The following AGBL4 variants were observed in gnomAD, a reference collection of about 807,000 sequenced individuals.
The protein encoded by AGBL4 is cytosolic carboxypeptidase 6.
In AGBL4, 58 loss-of-function variants were observed where a neutral mutation model predicts 66.4. That is an observed-to-expected ratio of 0.87 (90% CI 0.71 to 1.09). The LOEUF (loss-of-function observed/expected upper bound fraction) is 1.09. AGBL4 is among the 50% of genes least tolerant of loss of function. The probability of loss-of-function intolerance (pLI) is 0.00; values close to 1 mark genes in which losing one functional copy is unlikely to be tolerated. For missense variants in AGBL4, 579 were observed against 631.0 expected (o/e 0.92, Z 0.88); for synonymous variants, 234 against 222.9 (o/e 1.05, Z -0.44).
chr1:49,651,703 A>G (rs2124449566), intron 3 of AGBL4, among the ~76,000 whole-genome samples: 1 of 152,174 alleles, frequency 6.6e-6, no homozygotes, highest in East Asian at 1.9e-4. Context: ...TACAAATTAA[A>G]AAAAAAGAAA....
intron 1 of AGBL4, among the ~76,000 whole-genome samples, chr1:49,999,906 T>C (rs2148417262): frequency 6.6e-6 from 1 of 152,288 alleles, no homozygotes; most frequent in South Asian, 2.1e-4. Context: ...TCTCTCACCC[T>C]ATACAAAAAC....
chr1:49,550,836 G>C (rs1259406576), intron 3 of AGBL4, among the ~76,000 whole-genome samples: 1 of 152,046 alleles, frequency 6.6e-6, no homozygotes, highest in Non-Finnish European at 1.5e-5. Context: ...TCTTGTATTT[G>C]GATGTCTAGG....
At chr1:49,533,362 G>A (rs1651296007) in intron 3 of AGBL4, among the ~76,000 whole-genome samples, 1 of 152,124 alleles carries the variant, frequency 6.6e-6, no homozygotes, top group African/African-American at 2.4e-5. Context: ...AAATATGAAT[G>A]CTTAATCCTG....
intron 3 of AGBL4, among the ~76,000 whole-genome samples, chr1:49,250,618 A>G (rs1167420042): frequency 6.6e-6 from 1 of 151,660 alleles, no homozygotes; most frequent in African/African-American, 2.4e-5. Flanking sequence ...TAATTTTTGT[A>G]CTTTTAGTAG....
chr1:48,801,099 G>A lies in AGBL4; in HGVS notation c.634+66092C>T, dbSNP rs551419643. 3.9e-5 allele frequency among the ~76,000 whole-genome samples: 6 copies of A among 152,226 alleles called. No individual in the cohort carries two copies. The East Asian group carries it at 1.2e-3, about 30-fold the overall frequency. Reference sequence around the variant, plus strand: ...ATACAGGTTTCCAGGGAAGTAGGGGGAAAGCTGGCAGTGACAGGCTTCACC... The same window carrying A: ...ATACAGGTTTCCAGGGAAGTAGGGGAAAAGCTGGCAGTGACAGGCTTCACC... On this transcript the variant is annotated intron_variant, in intron 6 of 13. Transcript: ENST00000371839.
chr1:49,701,296 A>G (rs1435331549), intron 2 of AGBL4, among the ~76,000 whole-genome samples: 3 of 152,112 alleles, frequency 2.0e-5, no homozygotes, highest in Non-Finnish European at 4.4e-5. Flanking sequence ...TGTCTCAAAA[A>G]AAAAAAATGT....
chr1:49,759,044 G>A (rs1652110616), intron 2 of AGBL4, among the ~76,000 whole-genome samples: 1 of 152,136 alleles, frequency 6.6e-6, no homozygotes, highest in South Asian at 2.1e-4. Context: ...ATTCTCAGGA[G>A]ATCTAATGGT....
rs1239717193 is a variant in AGBL4, at chr1:49,091,111, T to C, written c.378-45311A>G. On this transcript the variant is annotated intron_variant, in intron 4 of 13. Transcript: ENST00000371839. ...TCAAGATGGATTAAAAACTTCAATG[T>C]AAAACTTAAACTATAAAAATTCTAG... is the stretch of plus-strand genomic sequence containing the variant. Among the ~76,000 whole-genome samples, 21 of 152,156 alleles carry C rather than the reference T, an allele frequency of 1.4e-4. 1 individual carries two copies. The highest frequency in any genetic ancestry group is 1.4e-3 in the Admixed American group (21 of 15,260).
rs76759903 is a variant in AGBL4 at position 49,872,160 on chromosome 1, T to C, written c.35-20642A>G. 4.4e-3 allele frequency among the ~76,000 whole-genome samples: 668 copies of C among 152,154 alleles called. 9 individuals are homozygous for C. The highest frequency in any genetic ancestry group is 0.015 in the African/African-American group (626 of 41,538). On this transcript the variant is annotated intron_variant, in intron 1 of 13. Coordinates refer to ENST00000371839, the MANE Select transcript of AGBL4 (RefSeq NM_032785.4). ...TTTTTGTCTTTCAGAGTCAAGAAAA[T>C]TTTTTTAAGCTATTTACAGCCTTTA...
In AGBL4 at chr1:49,689,545, G is replaced by C. The variant is rs925041633; in HGVS notation, c.282+7768C>G. Among the ~76,000 whole-genome samples, 4 of 152,030 alleles carry C rather than the reference G, an allele frequency of 2.6e-5. No homozygotes were observed. In the East Asian group the frequency reaches 7.7e-4, roughly 29 times the overall value. On this transcript the variant is annotated intron_variant, in intron 3 of 13. Transcript: ENST00000371839. Reference sequence around the variant, plus strand: ...TGTTATTTTTGCTCAGGATAGCTTTGGTTCTTCTGGGTCTATTGTGGCTCT... The same window carrying C: ...TGTTATTTTTGCTCAGGATAGCTTTCGTTCTTCTGGGTCTATTGTGGCTCT...
chr1:49,687,117 G>T (rs1172103858), intron 3 of AGBL4, among the ~76,000 whole-genome samples: 1 of 152,150 alleles, frequency 6.6e-6, no homozygotes, highest in South Asian at 2.1e-4. Context: ...GGTAATAGAG[G>T]GGTATTTAAG....
chr1:49,258,540 G>A (rs1652771749), intron 3 of AGBL4, among the ~76,000 whole-genome samples: 1 of 152,100 alleles, frequency 6.6e-6, no homozygotes, highest in Non-Finnish European at 1.5e-5. Flanking sequence ...GCGATCAACT[G>A]GAAGAAAGGG....
At chr1:49,307,006 C>T (rs978630242) in intron 3 of AGBL4, among the ~76,000 whole-genome samples, 1 of 152,080 alleles carries the variant, frequency 6.6e-6, no homozygotes, top group Non-Finnish European at 1.5e-5. Flanking sequence ...ATACATGTTG[C>T]CTTAAATGTA....
At chr1:48,570,084 A>G (rs1025761808) in intron 11 of AGBL4, among the ~76,000 whole-genome samples, 4 of 152,226 alleles carry the variant, frequency 2.6e-5, no homozygotes, top group African/African-American at 9.6e-5. Context: ...CACTGACCAT[A>G]AAGTTTGACA....
intron 6 of AGBL4, among the ~76,000 whole-genome samples, chr1:48,816,027 A>G (rs887410284): frequency 6.7e-6 from 1 of 150,076 alleles, no homozygotes; most frequent in South Asian, 2.1e-4. Flanking sequence ...GATTTTGGCC[A>G]CTTATTGAGG....
At chr1:49,541,971 G>A (rs751471348) in intron 3 of AGBL4, among the ~76,000 whole-genome samples, 31 of 152,038 alleles carry the variant, frequency 2.0e-4, no homozygotes, top group Non-Finnish European at 4.3e-4. Flanking sequence ...TCAGCACTCT[G>A]TGCCCAGCTC....
chr1:49,273,914 C>T (rs1054225652), intron 3 of AGBL4, among the ~76,000 whole-genome samples: 1 of 152,068 alleles, frequency 6.6e-6, no homozygotes, highest in Admixed American at 6.6e-5. Context: ...TATCTTCTGA[C>T]CTCATGATCC....
Position 48,663,154 on chromosome 1 carries a change from TG to T in AGBL4, c.721del (p.Gln241LysfsTer8), listed in dbSNP as rs1213577342. The stretch of plus-strand genomic sequence containing the variant: ...ACCTATGAGATCCTGCCACTCACCT[TG>T]GCACACAAATGATGAGGGTGTTTCC... ...PGETPSSFVCQGIIDFLVSQH... is the reference protein window; with the variant it reads ...PGETPSSFVCXGIIDFLVSQH... On this transcript the variant is annotated frameshift_variant, in exon 7 of 14. Transcript: ENST00000371839. LOFTEE classifies it high-confidence loss of function. The T allele has an allele frequency of 3.7e-6, 6 of 1,613,874 alleles. No individual in the cohort carries two copies. Among genetic ancestry groups the T allele is most frequent in the Non-Finnish European group, 4.2e-6 (5 of 1,179,866 alleles).
intron 9 of AGBL4, among the ~76,000 whole-genome samples, chr1:48,616,149 G>A (rs1479193367): frequency 6.6e-6 from 1 of 152,148 alleles, no homozygotes; most frequent in African/African-American, 2.4e-5. Context: ...ACTTGAACTG[G>A]CAATATCAGC....
Sources: allele counts gnomAD v4.1 joint callset (sites outside exome capture counted in the v4.1 genomes callset), GRCh38; gene constraint gnomAD v4.1.1; transcripts MANE v1.5; gene names NCBI Gene and HGNC (gene_info 2026-07-23, HGNC 2026-07-21).